Variants in CCDC7 observed in about 807,000 individuals in gnomAD.
The protein encoded by CCDC7 is coiled-coil domain-containing protein 7.
Under a neutral mutation model 196.9 loss-of-function variants are expected in CCDC7, and 183 were observed. The ratio of observed to expected loss-of-function variants is 0.93; its 90% CI spans 0.82 to 1.05. The LOEUF (loss-of-function observed/expected upper bound fraction) is 1.05, where lower values mean the gene tolerates loss of function less well. CCDC7 is among the 50% of genes least tolerant of loss of function. CCDC7 has a pLI of 0.00. For synonymous variants in CCDC7, 525 were observed against 484.6 expected (o/e 1.08, Z -1.10); for missense variants, 1,540 against 1,482.2 (o/e 1.04, Z -0.64).
chr10:32,657,759 A>G (rs1203475057), intron 20 of CCDC7, among the ~76,000 whole-genome samples: 1 of 152,190 alleles, frequency 6.6e-6, no homozygotes, highest in Admixed American at 6.5e-5. Flanking sequence ...TTTCTGCAGC[A>G]GGCTTGAATT....
chr10:32,860,500 G>A (rs1263626980), intron 41 of CCDC7, among the ~76,000 whole-genome samples: 1 of 152,140 alleles, frequency 6.6e-6, no homozygotes, highest in East Asian at 1.9e-4. Flanking sequence ...TTTAAAACCG[G>A]CACAAGACAA....
chr10:32,798,197 G>A (rs565869563), intron 29 of CCDC7, among the ~76,000 whole-genome samples: 1 of 152,272 alleles, frequency 6.6e-6, no homozygotes, highest in Admixed American at 6.5e-5. Context: ...GATAACAGAG[G>A]TCCAATATAA....
At chr10:32,607,035 T>C (rs373290208) in intron 18 of CCDC7, among the ~76,000 whole-genome samples, 36 of 152,252 alleles carry the variant, frequency 2.4e-4, no homozygotes, top group African/African-American at 7.0e-4. Context: ...GTGATTGGAT[T>C]ATGGGGGCAG....
intron 39 of CCDC7, among the ~76,000 whole-genome samples, chr10:32,850,774 AACACACACACACACACACACAC>A (rs59662474): frequency 2.0e-5 from 3 of 146,686 alleles, no homozygotes; most frequent in African/African-American, 5.1e-5. Context: ...TGTCTCTGAC[AACACACACACACACACACACAC>A]ACACACACAC....
chr10:32,771,341 T>C (rs1257605287), intron 28 of CCDC7, among the ~76,000 whole-genome samples: 1 of 152,190 alleles, frequency 6.6e-6, no homozygotes, highest in East Asian at 1.9e-4. Flanking sequence ...TTTTGCAGGA[T>C]ACAAAACTCT....
intron 21 of CCDC7, among the ~76,000 whole-genome samples, chr10:32,667,206 T>C (rs1449865628): frequency 2.0e-5 from 3 of 152,202 alleles, no homozygotes; most frequent in African/African-American, 7.2e-5. Context: ...GCCCACTTTT[T>C]GATAGGTTTG....
intron 18 of CCDC7, among the ~76,000 whole-genome samples, 160 bp downstream of exon 19, chr10:32,584,464 A>G (rs1469278240): frequency 6.6e-6 from 1 of 152,106 alleles, no homozygotes; most frequent in African/African-American, 2.4e-5. Context: ...TTATATAAAA[A>G]TTATCTCGGT....
chr10:32,461,707 G>A (rs182239387), intron 3 of CCDC7, among the ~76,000 whole-genome samples: 80 of 27,780 alleles, frequency 2.9e-3, no homozygotes, highest in African/African-American at 7.3e-3. Flanking sequence ...GTGTGTGTGT[G>A]TGTATATATA....
intron 33 of CCDC7, among the ~76,000 whole-genome samples, chr10:32,840,787 T>C (rs1013688870): frequency 1.3e-5 from 2 of 151,430 alleles, no homozygotes; most frequent in African/African-American, 4.9e-5. Flanking sequence ...CAAGAGCATA[T>C]CAAAAAGATA....
At chr10:32,533,385 T>C (rs948914200) in intron 11 of CCDC7, among the ~76,000 whole-genome samples, 1 of 152,104 alleles carries the variant, frequency 6.6e-6, no homozygotes, top group Non-Finnish European at 1.5e-5. Context: ...TTATTTTTGA[T>C]AGACTTGTCT....
intron 28 of CCDC7, among the ~76,000 whole-genome samples, chr10:32,740,712 A>C (rs915502313): frequency 1.3e-5 from 2 of 152,202 alleles, no homozygotes; most frequent in Non-Finnish European, 2.9e-5. Flanking sequence ...TGAAAAGACT[A>C]TCTGTTTTGG....
At chr10:32,830,700 ATTC>A (rs1045945408) in intron 32 of CCDC7, among the ~76,000 whole-genome samples, 11 of 152,186 alleles carry the variant, frequency 7.2e-5, no homozygotes, top group Non-Finnish European at 1.2e-4. Context: ...CTGAAGAAAA[ATTC>A]ACTAGAGGGG....
intron 18 of CCDC7, among the ~76,000 whole-genome samples, chr10:32,587,526 C>A (rs2137685275): frequency 6.6e-6 from 1 of 152,266 alleles, no homozygotes; most frequent in East Asian, 1.9e-4. Context: ...TCTTAAAGAG[C>A]CTAACTCTCA....
At chr10:32,629,783 T>C (rs1486227152) in intron 18 of CCDC7, among the ~76,000 whole-genome samples, 1 of 152,056 alleles carries the variant, frequency 6.6e-6, no homozygotes, top group Admixed American at 6.6e-5. Flanking sequence ...GCACAGAGGG[T>C]GCCATCCCTT....
At chr10:32,731,531 G>A (rs1463639909) in intron 28 of CCDC7, among the ~76,000 whole-genome samples, 1 of 151,806 alleles carries the variant, frequency 6.6e-6, no homozygotes, top group East Asian at 1.9e-4. Context: ...ATTATTCAAT[G>A]TGTCACATAT....
chr10:32,534,895 A>G (rs1044947495), intron 11 of CCDC7, among the ~76,000 whole-genome samples: 1 of 151,880 alleles, frequency 6.6e-6, no homozygotes, highest in East Asian at 1.9e-4. Flanking sequence ...GGCAGTCATA[A>G]TGCTTCCTGA....
At chr10:32,731,450 T>C (rs1029560435) in intron 28 of CCDC7, among the ~76,000 whole-genome samples, 13 of 152,162 alleles carry the variant, frequency 8.5e-5, no homozygotes, top group African/African-American at 3.1e-4. Flanking sequence ...TTTTCAGTTT[T>C]TTTTTGTCTG....
intron 5 of CCDC7, among the ~76,000 whole-genome samples, chr10:32,464,804 C>T (rs2036408652): frequency 6.6e-6 from 1 of 152,150 alleles, no homozygotes; most frequent in Non-Finnish European, 1.5e-5. Context: ...AGCCACTGTG[C>T]CCTGCCGTGC....
At chr10:32,779,590 T>A (rs1429659150) in intron 29 of CCDC7, among the ~76,000 whole-genome samples, 1 of 152,224 alleles carries the variant, frequency 6.6e-6, no homozygotes, top group Non-Finnish European at 1.5e-5. Flanking sequence ...GTAGTGTGGT[T>A]AAGTGACTAT....
Sources: allele counts gnomAD v4.1 joint callset (sites outside exome capture counted in the v4.1 genomes callset), GRCh38; gene constraint gnomAD v4.1.1; transcripts MANE v1.5; gene names NCBI Gene and HGNC (gene_info 2026-07-23, HGNC 2026-07-21).